The following BCAR3 variants were observed in gnomAD, a reference collection of about 807,000 sequenced individuals.
The protein encoded by BCAR3 is breast cancer anti-estrogen resistance protein 3.
Under a neutral mutation model 80.1 loss-of-function variants are expected in BCAR3, and 37 were observed. The observed-to-expected ratio is 0.46, with a 90% confidence interval of 0.36 to 0.61. BCAR3 has a LOEUF of 0.61. BCAR3 is among the 20% of genes least tolerant of loss of function. BCAR3 has a pLI of 0.00. For missense variants in BCAR3, 978 were observed against 1,068.2 expected (o/e 0.92, Z 1.18); for synonymous variants, 389 against 418.9 (o/e 0.93, Z 0.87).
intron 2 of BCAR3, among the ~76,000 whole-genome samples, chr1:93,782,572 A>C (rs1425207412): frequency 2.0e-5 from 3 of 152,250 alleles, no homozygotes; most frequent in African/African-American, 7.2e-5. Context: ...CAACAGAGAA[A>C]ATGGAGTACA....
chr1:93,624,959 C>T (rs1046952968), intron 3 of BCAR3, among the ~76,000 whole-genome samples: 1 of 152,306 alleles, frequency 6.6e-6, no homozygotes, highest in Non-Finnish European at 1.5e-5. Flanking sequence ...GCCTGTAATC[C>T]CAGCACTTTG....
chr1:93,687,419 C>T (rs1374781741), intron 3 of BCAR3, among the ~76,000 whole-genome samples: 3 of 152,086 alleles, frequency 2.0e-5, no homozygotes, highest in Admixed American at 6.5e-5. Flanking sequence ...ACGATTCTCC[C>T]GCCTTAGCCT....
chr1:93,605,780 T>C (rs940134495), intron 3 of BCAR3, among the ~76,000 whole-genome samples: 7 of 152,192 alleles, frequency 4.6e-5, no homozygotes, highest in African/African-American at 1.7e-4. Context: ...CTAATTCACC[T>C]TGAATGAATG....
At chr1:93,836,352 C>T (rs1192300042) in intron 2 of BCAR3, among the ~76,000 whole-genome samples, 1 of 152,170 alleles carries the variant, frequency 6.6e-6, no homozygotes, top group Admixed American at 6.5e-5. Context: ...CTGGGTCCTC[C>T]CAATTCTTAG....
intron 2 of BCAR3, among the ~76,000 whole-genome samples, chr1:93,663,900 G>C (rs1647776416): frequency 6.6e-6 from 1 of 152,124 alleles, no homozygotes. Context: ...TTGGAACTGG[G>C]GTCACAGCAT....
At chr1:93,609,071 C>T (rs367620080) in intron 3 of BCAR3, among the ~76,000 whole-genome samples, 3 of 152,242 alleles carry the variant, frequency 2.0e-5, no homozygotes, top group African/African-American at 4.8e-5. Flanking sequence ...ACACACGCAC[C>T]GCCACAGAAA....
chr1:93,652,374 GA>G (rs903933765), intron 2 of BCAR3, among the ~76,000 whole-genome samples: 2 of 152,324 alleles, frequency 1.3e-5, no homozygotes, highest in African/African-American at 4.8e-5. Context: ...TTTAAATGCA[GA>G]AATGCTGTGT....
chr1:93,562,400 T>C lies in BCAR3; in HGVS notation c.2319A>G (p.Glu773=). ...RILAGFQPDE[E]MNEICKTEFQ... ...ATTCAGTCTTGCAGATTTCATTCAT[T>C]TCTTCATCTGGTTGAAAACCTAATG... The change falls in exon 12 of 12, where the codon GAA becomes GAG. Residue 773 remains glutamate (E), a synonymous_variant. Coordinates refer to ENST00000260502, the MANE Select transcript of BCAR3 (RefSeq NM_003567.4). The C allele has an allele frequency of 1.2e-6, 2 of 1,613,846 alleles. No homozygotes were observed. Among genetic ancestry groups the C allele is most frequent in the Non-Finnish European group, 1.7e-6 (2 of 1,179,884 alleles).
intron 2 of BCAR3, among the ~76,000 whole-genome samples, chr1:93,789,055 G>A (rs1289209470): frequency 6.6e-6 from 1 of 151,880 alleles, no homozygotes; most frequent in African/African-American, 2.4e-5. Context: ...GAGTGGAGTG[G>A]TGCGATCCTA....
At chr1:93,701,198 G>A (rs1361865203) in intron 3 of BCAR3, among the ~76,000 whole-genome samples, 3 of 152,236 alleles carry the variant, frequency 2.0e-5, no homozygotes, top group East Asian at 1.9e-4. Context: ...CCTGCCACAC[G>A]CAGGCACTGA....
intron 3 of BCAR3, among the ~76,000 whole-genome samples, chr1:93,703,067 T>G (rs1030672261): frequency 6.6e-6 from 1 of 152,154 alleles, no homozygotes; most frequent in Non-Finnish European, 1.5e-5. Flanking sequence ...CTGCTTTACT[T>G]AACTCAAAGA....
chr1:93,665,516 G>A (rs1647862127), intron 2 of BCAR3, among the ~76,000 whole-genome samples: 1 of 152,060 alleles, frequency 6.6e-6, no homozygotes, highest in Non-Finnish European at 1.5e-5. Flanking sequence ...ACTGTGCTGG[G>A]ATTCCTCTGA....
chr1:93,599,346 G>A (rs1227806244), intron 3 of BCAR3: 1 of 152,150 alleles, frequency 6.6e-6, no homozygotes, highest in Non-Finnish European at 1.5e-5. Flanking sequence ...ACATCCCTAA[G>A]CCCCAGCTGA....
intron 2 of BCAR3, among the ~76,000 whole-genome samples, chr1:93,809,775 T>TAAAA (rs59236584): frequency 2.7e-4 from 15 of 55,522 alleles, no homozygotes; most frequent in East Asian, 6.2e-4. Flanking sequence ...CTCAAAAAGA[T>TAAAA]AAAAAAAAAA....
chr1:93,712,549 C>T lies in BCAR3; in HGVS notation c.-62-6407G>A, dbSNP rs139808577. 6.7e-3 allele frequency among the ~76,000 whole-genome samples: 1,020 copies of T among 152,350 alleles called. 8 individuals carry two copies. The highest frequency in any genetic ancestry group is 0.023 in the African/African-American group (968 of 41,572). ...TGCTCACTGTCTAGGTCCATGTAAA[C>T]ATACTCTTGACATTTCTTCTTTCCA... On this transcript the variant is annotated intron_variant, in intron 2 of 13. Coordinates refer to the BCAR3 transcript ENST00000370244.
chr1:93,808,720 A>G (rs551420640), intron 2 of BCAR3, among the ~76,000 whole-genome samples: 1 of 152,236 alleles, frequency 6.6e-6, no homozygotes, highest in Non-Finnish European at 1.5e-5. Flanking sequence ...AGTTAAAAAA[A>G]ATAGCTTGAT....
chr1:93,830,768 CAGG>C (rs1654535015), intron 2 of BCAR3, among the ~76,000 whole-genome samples: 2 of 152,204 alleles, frequency 1.3e-5, no homozygotes, highest in African/African-American at 2.4e-5. Context: ...AAACCTGGGA[CAGG>C]AGGACTCCTT....
chr1:93,588,876 C>T, intron 5 of BCAR3, 101 bp downstream of exon 5: 6 of 1,284,112 alleles, frequency 4.7e-6, no homozygotes, highest in Non-Finnish European at 6.3e-6. Context: ...TTCCTATTAA[C>T]ATCTTTTATT....
At position 93,821,000 on chromosome 1, in the gene BCAR3, AC is replaced by A. The variant is rs1026145900; in HGVS notation, c.-63+24566del. 1.1e-4 allele frequency among the ~76,000 whole-genome samples: 17 copies of A among 152,216 alleles called. 1 individual carries two copies. Among genetic ancestry groups the A allele is most frequent in the Admixed American group, 1.0e-3 (16 of 15,292 alleles). On this transcript the variant is annotated intron_variant, in intron 2 of 13. Transcript: ENST00000370244. ...AAGACCCTAGTTACATTATAAAAAA[AC>A]AAAACAAAAAAAACTCCTGTCACCC...
Sources: gnomAD v4.1 joint callset for allele counts (sites outside exome capture counted in the v4.1 genomes callset) on GRCh38, gnomAD v4.1.1 for gene constraint, MANE v1.5 for transcripts, NCBI Gene and HGNC (gene_info 2026-07-23, HGNC 2026-07-21) for gene names.